PGBD5: variants seen among roughly 807,000 people sequenced by gnomAD.
PGBD5 encodes the protein piggyBac transposable element derived 5, also known as piggyBac transposable element-derived protein 5.
Under a neutral mutation model 47.9 loss-of-function variants are expected in PGBD5, and 14 were observed. The ratio of observed to expected loss-of-function variants is 0.29; its 90% CI spans 0.19 to 0.46. The LOEUF (loss-of-function observed/expected upper bound fraction) is 0.46, where lower values mean the gene tolerates loss of function less well. PGBD5 is among the 20% of genes least tolerant of loss of function. The pLI, the probability that PGBD5 is intolerant of heterozygous loss-of-function variation, is 1.00. For missense variants in PGBD5, 635 were observed against 716.0 expected, an observed-to-expected ratio of 0.89 and a Z score of 1.29; for synonymous variants, 316 against 306.3, an observed-to-expected ratio of 1.03 and a Z score of -0.33.
intron 2 of PGBD5, among the ~76,000 whole-genome samples, chr1:230,354,790 C>T (rs1168571959): frequency 6.6e-6 from 1 of 152,206 alleles, no homozygotes; most frequent in Non-Finnish European, 1.5e-5. Flanking sequence ...TGGAGCTCAG[C>T]ATCTGTGTCC....
At position 230,397,976 on chromosome 1, in the gene PGBD5, G is replaced by A. The variant is rs138093004; in HGVS notation, c.331+27622C>T. On this transcript the variant is annotated intron_variant, in intron 1 of 6. Transcript: ENST00000391860. ...GTGGCTGTGCCCTGGAGAAGGAGTCGTTCCCCTCTCACAGATCTGCAAGGC... is the reference window on the plus strand; with the variant it reads ...GTGGCTGTGCCCTGGAGAAGGAGTCATTCCCCTCTCACAGATCTGCAAGGC... Among the ~76,000 whole-genome samples, 143 of 152,268 alleles carry A rather than the reference G, an allele frequency of 9.4e-4. 1 individual carries two copies. The Middle Eastern group carries it at 0.017, about 18-fold the overall frequency.
At chr1:230,410,972 A>G (rs918889994) in intron 1 of PGBD5, among the ~76,000 whole-genome samples, 5 of 152,004 alleles carry the variant, frequency 3.3e-5, no homozygotes, top group African/African-American at 1.2e-4. Flanking sequence ...GTAGGGGAAG[A>G]GTAAAGGAAA....
chr1:230,423,216 C>A (rs1657699084), intron 1 of PGBD5, among the ~76,000 whole-genome samples: 1 of 152,130 alleles, frequency 6.6e-6, no homozygotes, highest in Non-Finnish European at 1.5e-5. Flanking sequence ...TCATCTGATT[C>A]CAGCAGCAAG....
chr1:230,390,796 G>A (rs1410532077), intron 1 of PGBD5, among the ~76,000 whole-genome samples: 1 of 152,086 alleles, frequency 6.6e-6, no homozygotes, highest in African/African-American at 2.4e-5. Flanking sequence ...CTGGAGTGCA[G>A]TAGTGTGATC....
rs1666912945 is a variant in PGBD5 at position 230,314,903 on chromosome 1, C to T, written c.*8522G>A. On this transcript the variant is annotated 3_prime_UTR_variant, in exon 7 of 7. Transcript: ENST00000391860. ...TCACAATGAATAGCAGTCTTTCCAG[C>T]TTCTTTGACACGGATTTCCTCATCA... The T allele has an allele frequency of 6.6e-6, 1 of 152,098 alleles. No homozygotes were observed. Among genetic ancestry groups the T allele is most frequent in the South Asian group, 2.1e-4 (1 of 4,820 alleles). 9.4% of individuals were successfully genotyped at this position (152,098 alleles called of 1,614,324 possible).
At chr1:230,398,747 G>C (rs1036591462) in intron 1 of PGBD5, among the ~76,000 whole-genome samples, 9 of 152,202 alleles carry the variant, frequency 5.9e-5, no homozygotes, top group Admixed American at 5.9e-4. Context: ...ACAGCTCCCA[G>C]AACTGGGTTT....
chr1:230,335,890 CAT>C (rs1667316804), intron 4 of PGBD5, among the ~76,000 whole-genome samples: 1 of 139,964 alleles, frequency 7.1e-6, no homozygotes, highest in Non-Finnish European at 1.6e-5. Context: ...CACACAGATG[CAT>C]ACACGGACAT....
At chr1:230,362,506 A>T in intron 1 of PGBD5, 1 of 1,173,260 alleles carries the variant, frequency 8.5e-7, no homozygotes, top group Non-Finnish European at 1.1e-6. Flanking sequence ...AGCTTCATGA[A>T]GCATCACCTT....
Position 230,321,337 on chromosome 1 carries a change from G to T in PGBD5, c.*2088C>A, listed in dbSNP as rs1209173359. Reference sequence around the variant, plus strand: ...ATTTAAAAGAGTAGCCTGTATTTTTGTTCCTTCACCTTGTTTTTTTTCTTG... The same window carrying T: ...ATTTAAAAGAGTAGCCTGTATTTTTTTTCCTTCACCTTGTTTTTTTTCTTG... On this transcript the variant is annotated 3_prime_UTR_variant, in exon 7 of 7. Transcript: ENST00000391860. 6.6e-6 allele frequency: 1 copy of T among 152,074 alleles called. No individual in the cohort carries two copies. Among genetic ancestry groups the T allele is most frequent in the African/African-American group, 2.4e-5 (1 of 41,400 alleles). The allele number at this position is 152,074 out of a possible 1,614,324, so 9.4% of individuals were successfully genotyped here.
intron 1 of PGBD5, among the ~76,000 whole-genome samples, chr1:230,391,906 C>T (rs1353396501): frequency 2.6e-5 from 4 of 152,236 alleles, no homozygotes; most frequent in Non-Finnish European, 4.4e-5. Flanking sequence ...GAGCCTACGC[C>T]AGAGAACGGG....
At position 230,323,175 on chromosome 1, in the gene PGBD5, A is replaced by T; in HGVS notation, c.*250T>A. 2.0e-6 allele frequency: 1 copy of T among 496,916 alleles called. No individual in the cohort carries two copies. Among genetic ancestry groups the T allele is most frequent in the East Asian group, 3.4e-5 (1 of 29,344 alleles). 30.8% of individuals were successfully genotyped at this position (496,916 alleles called of 1,614,324 possible). On this transcript the variant is annotated 3_prime_UTR_variant, in exon 7 of 7. Coordinates refer to ENST00000391860, the MANE Select transcript of PGBD5 (RefSeq NM_001258311.2). This position sits in a 1 kb window ranked among gnomAD's most constrained non-coding sequence, Gnocchi z 4.1. The stretch of plus-strand genomic sequence containing the variant: ...GTCATGAGAGAATCTGCCCTTGAGA[A>T]CGTGGGTGTAAGTGCTCATCACACC...
intron 1 of PGBD5, among the ~76,000 whole-genome samples, chr1:230,417,960 TG>T (rs1356121023): frequency 1.3e-5 from 2 of 152,310 alleles, no homozygotes; most frequent in African/African-American, 4.8e-5. Context: ...CTGGTGCTTT[TG>T]CCCCCCCAGG....
rs1416104287 is a variant in PGBD5 at position 230,357,448 on chromosome 1, C to A, written c.332-127G>T. ...GCCCCCGCTGCCTCCAGTGCTACCG[C>A]CTTCCCCTCCAACCTTCCAGAAGCT... On this transcript the variant is annotated intron_variant, in intron 1 of 6. Transcript: ENST00000391860. The surrounding 1 kb of genome is among the most constrained non-coding windows in gnomAD (Gnocchi z 5.7). The A allele has an allele frequency of 4.0e-6, 4 of 1,001,480 alleles. No individual in the cohort carries two copies. The highest frequency in any genetic ancestry group is 5.2e-5 in the Admixed American group (2 of 38,680). 62.0% of individuals were successfully genotyped at this position (1,001,480 alleles called of 1,614,324 possible).
At position 230,337,349 on chromosome 1, in the gene PGBD5, T is replaced by A. The variant is rs867114218; in HGVS notation, c.895-61A>T. 7 of 1,458,980 alleles carry A rather than the reference T, an allele frequency of 4.8e-6. No individual in the cohort carries two copies. In the African/African-American group the frequency reaches 8.4e-5, roughly 18 times the overall value. The allele number at this position is 1,458,980 out of a possible 1,614,324, so 90.4% of individuals were successfully genotyped here. On this transcript the variant is annotated intron_variant, in intron 3 of 6. Transcript: ENST00000391860. Reference sequence around the variant, plus strand: ...AGCAGTGTCAGGCTGGGAGCCCGAGTATTCAGCAAGCACAGATCTCATGGG... The same window carrying A: ...AGCAGTGTCAGGCTGGGAGCCCGAGAATTCAGCAAGCACAGATCTCATGGG...
chr1:230,405,580 C>T (rs1220808999), intron 1 of PGBD5, among the ~76,000 whole-genome samples: 7 of 152,162 alleles, frequency 4.6e-5, no homozygotes, highest in Non-Finnish European at 1.0e-4. Context: ...GTTTTATACA[C>T]AGATTTTTGG....
chr1:230,337,077 C>T (rs761527287), intron 4 of PGBD5, 31 bp downstream of exon 4: 17 of 1,605,650 alleles, frequency 1.1e-5, no homozygotes, highest in African/African-American at 6.7e-5. Context: ...GAGGCTGGGC[C>T]GTATCCTCAC....
chr1:230,397,765 C>A (rs140321252), intron 1 of PGBD5, among the ~76,000 whole-genome samples: 506 of 152,332 alleles, frequency 3.3e-3, no homozygotes, highest in African/African-American at 0.012. Context: ...CAAGGAAGAT[C>A]GGCAGGCTCA....
intron 1 of PGBD5, among the ~76,000 whole-genome samples, chr1:230,415,588 C>T (rs1657494876): frequency 6.6e-6 from 1 of 152,202 alleles, no homozygotes; most frequent in Non-Finnish European, 1.5e-5. Context: ...GACCACTTCC[C>T]AGTGAGGCCT....
chr1:230,360,770 G>A (rs544219101), intron 1 of PGBD5, among the ~76,000 whole-genome samples: 3 of 152,218 alleles, frequency 2.0e-5, no homozygotes, highest in African/African-American at 7.2e-5. Flanking sequence ...GCATGAGAAC[G>A]GACTAATACA....
Sources: allele counts gnomAD v4.1 joint callset (sites outside exome capture counted in the v4.1 genomes callset), GRCh38; gene constraint gnomAD v4.1.1; non-coding constraint Gnocchi (gnomAD v3.1); transcripts MANE v1.5; gene names NCBI Gene and HGNC (gene_info 2026-07-23, HGNC 2026-07-21).